Variants in FANCB observed in about 807,000 individuals in gnomAD.
The protein encoded by FANCB is FA complementation group B.
FANCB carries 5 observed loss-of-function variants against 38.9 expected under a neutral mutation model. The observed-to-expected ratio is 0.13, with a 90% confidence interval of 0.07 to 0.27. The LOEUF (loss-of-function observed/expected upper bound fraction) is 0.27, where lower values mean the gene tolerates loss of function less well. Ranked by LOEUF, FANCB falls within the 10% of genes least tolerant of loss-of-function variation. The pLI is 1.00. For synonymous variants in FANCB, 236 were observed against 215.4 expected, an observed-to-expected ratio of 1.10 and a Z score of -0.84; for missense variants, 573 against 602.7, an observed-to-expected ratio of 0.95 and a Z score of 0.52.
chrX:14,731,707 A>G, the FANCB span: 1 of 112,075 alleles, frequency 8.9e-6, no homozygotes, highest in Admixed American at 9.5e-5. Context: ...TTACTCAGAT[A>G]AAAGACAACC....
the FANCB span, among the ~76,000 whole-genome samples, chrX:14,801,010 A>C: frequency 2.1e-4 from 23 of 110,045 alleles, no homozygotes; most frequent in Non-Finnish European, 2.3e-4. Flanking sequence ...TGATATGCAC[A>C]GTGAACGACC....
the FANCB span, among the ~76,000 whole-genome samples, chrX:14,699,232 C>G: frequency 8.9e-6 from 1 of 111,961 alleles, no homozygotes; most frequent in African/African-American, 3.3e-5. Flanking sequence ...ACAATGCAGC[C>G]TCACCTGCAT....
rs1295137584 is a variant in FANCB at position 14,843,787 on chromosome X, C to G, written c.2360G>C (p.Arg787Thr). 1.7e-6 allele frequency: 2 copies of G among 1,211,116 alleles called. No individual in the cohort carries two copies. The highest frequency in any genetic ancestry group is 2.2e-6 in the Non-Finnish European group (2 of 895,127). Reference sequence around the variant, plus strand: ...ACTCTTTCCTTTGCTCACTTCACACCTCTGCATAAAATTGCTTTCATGTTT... The same window carrying G: ...ACTCTTTCCTTTGCTCACTTCACACGTCTGCATAAAATTGCTTTCATGTTT... ...IAKHESNFMQ[R>T]CEVSKGKSSV... Residue 787 changes from arginine to threonine, a missense_variant, in exon 10 of 10, where the codon AGG (arginine) becomes ACG (threonine). Arg to Thr is a moderately conservative substitution (Grantham distance 71, BLOSUM62 -1). Coordinates refer to ENST00000650831, the MANE Select transcript of FANCB (RefSeq NM_001018113.3).
chrX:14,727,147 A>C, the FANCB span, among the ~76,000 whole-genome samples: 1 of 111,733 alleles, frequency 8.9e-6, no homozygotes, highest in Non-Finnish European at 1.9e-5. Flanking sequence ...ATTTTACATT[A>C]GAGTCACTGG....
rs2092461591 is a variant in FANCB, at chrX:14,864,751, T to C, written c.760A>G (p.Ile254Val). ...TTTCGAGTAAGGGCAATGAGAGATA[T>C]TCTTAACTGGTTTTTGATGATCTCA... ...ATEIIKNQLRISLIALTRKNQ... is the reference protein window; with the variant it reads ...ATEIIKNQLRVSLIALTRKNQ... The change falls in exon 3 of 10, where the codon ATA (isoleucine) becomes GTA (valine). Residue 254 changes from isoleucine (I) to valine (V), a missense_variant. Coordinates refer to ENST00000650831, the MANE Select transcript of FANCB (RefSeq NM_001018113.3). The C allele has an allele frequency of 2.5e-6, 3 of 1,211,524 alleles. No individual in the cohort carries two copies. The South Asian group carries it at 5.3e-5, about 21-fold the overall frequency.
chrX:14,863,094 G>A (rs1366871520), intron 3 of FANCB, among the ~76,000 whole-genome samples: 2 of 112,045 alleles, frequency 1.8e-5, no homozygotes, highest in African/African-American at 3.2e-5. Context: ...GGATACATAC[G>A]TATTACAGAA....
the FANCB span, among the ~76,000 whole-genome samples, chrX:14,754,541 A>G: frequency 8.9e-6 from 1 of 111,937 alleles, no homozygotes; most frequent in Non-Finnish European, 1.9e-5. Flanking sequence ...TTGATATTGT[A>G]AGGACTCATG....
the FANCB span, among the ~76,000 whole-genome samples, chrX:14,725,253 A>C: frequency 8.9e-6 from 1 of 111,950 alleles, no homozygotes; most frequent in Non-Finnish European, 1.9e-5. Context: ...GATACAAAGG[A>C]GGAAATTGAA....
At chrX:14,749,041 C>T in the FANCB span, among the ~76,000 whole-genome samples, 1 of 111,576 alleles carries the variant, frequency 9.0e-6, no homozygotes, top group Non-Finnish European at 1.9e-5. Flanking sequence ...ACAGAAAGAA[C>T]AGTGATGGGA....
the FANCB span, among the ~76,000 whole-genome samples, chrX:14,716,242 T>C: frequency 9.0e-6 from 1 of 111,134 alleles, no homozygotes; most frequent in African/African-American, 3.3e-5. Context: ...ACCCACAAAT[T>C]CAGAAAATGG....
chrX:14,835,374 C>T (rs2092338467), downstream of FANCB: 3 of 410,555 alleles, frequency 7.3e-6, no homozygotes, highest in African/African-American at 7.5e-5. Context: ...GATAAACGAC[C>T]CCAGCTCAAG....
chrX:14,728,651 G>T, the FANCB span, among the ~76,000 whole-genome samples: 1 of 112,038 alleles, frequency 8.9e-6, no homozygotes, highest in African/African-American at 3.2e-5. Context: ...CTTCACCAGA[G>T]ATACTGTATC....
chrX:14,742,034 A>G, the FANCB span, among the ~76,000 whole-genome samples: 2 of 111,868 alleles, frequency 1.8e-5, no homozygotes, highest in Non-Finnish European at 3.8e-5. Flanking sequence ...ACTACACTAA[A>G]AGAGCATCTG....
the FANCB span, among the ~76,000 whole-genome samples, chrX:14,704,482 T>C: frequency 8.9e-6 from 1 of 112,323 alleles, no homozygotes. Flanking sequence ...GACAGAAAAG[T>C]CTGGTGCTTC....
At chrX:14,845,742 C>G (rs141294203) in intron 7 of FANCB, among the ~76,000 whole-genome samples, 1,674 of 111,589 alleles carry the variant, frequency 0.015, 28 homozygotes, top group African/African-American at 0.049. Context: ...GCAAACAGCT[C>G]TAAACTAAAA....
At chrX:14,778,952 C>A in the FANCB span, among the ~76,000 whole-genome samples, 2 of 112,309 alleles carry the variant, frequency 1.8e-5, no homozygotes, top group South Asian at 7.4e-4. Context: ...GAAGATACCA[C>A]TGAAAGCCAC....
rs1421874771 is a variant in FANCB, at chrX:14,872,130, TAGA to T, written c.-192+853_-192+855del. On this transcript the variant is annotated intron_variant, in intron 1 of 9. Transcript: ENST00000650831. ...AGTGTCCAGGATAGGTGAGTAGAGG[TAGA>T]AGGAGACTTTAGTTATATCTGAAAT... Among the ~76,000 whole-genome samples, 33 of 112,057 alleles carry T rather than the reference TAGA, an allele frequency of 2.9e-4. 1 individual carries two copies. The highest frequency in any genetic ancestry group is 4.7e-3 in the Middle Eastern group (1 of 215).
chrX:14,691,324 T>TGC, the FANCB span, among the ~76,000 whole-genome samples: 98 of 64,338 alleles, frequency 1.5e-3, no homozygotes, highest in South Asian at 2.9e-3. Flanking sequence ...TGTGTGTGTG[T>TGC]GCGCGCGTGC....
chrX:14,796,659 T>C, the FANCB span, among the ~76,000 whole-genome samples: 10 of 36,880 alleles, frequency 2.7e-4, no homozygotes, highest in African/African-American at 8.3e-4. Flanking sequence ...TAAGTGCATA[T>C]ATACACACAC....
Sources: gnomAD v4.1 joint callset for allele counts (sites outside exome capture counted in the v4.1 genomes callset) on GRCh38, gnomAD v4.1.1 for gene constraint, MANE v1.5 for transcripts, NCBI Gene and HGNC (gene_info 2026-07-23, HGNC 2026-07-21) for gene names.